ETV1: variants seen among roughly 807,000 people sequenced by gnomAD.
The protein encoded by ETV1 is ETS variant transcription factor 1, also known as ETS translocation variant 1.
ETV1 carries 27 observed loss-of-function variants against 62.3 expected under a neutral mutation model. The ratio of observed to expected loss-of-function variants is 0.43; its 90% confidence interval spans 0.32 to 0.60. The LOEUF (loss-of-function observed/expected upper bound fraction) is 0.60, where lower values mean the gene tolerates loss of function less well. Ranked by LOEUF, ETV1 falls within the 20% of genes least tolerant of loss-of-function variation. The pLI is 0.06. For missense variants in ETV1, 605 were observed against 605.8 expected, an observed-to-expected ratio of 1.00 and a Z score of 0.01; for synonymous variants, 222 against 199.6, an observed-to-expected ratio of 1.11 and a Z score of -0.94.
chr7:13,899,113 T>C (rs1782137056), intron 13 of ETV1, among the ~76,000 whole-genome samples: 1 of 152,208 alleles, frequency 6.6e-6, no homozygotes, highest in African/African-American at 2.4e-5. Context: ...CCTTATCTGT[T>C]ACTGCTGTGC....
At chr7:13,990,782 A>C (rs1782967782), upstream of ETV1, 1 of 152,252 alleles carries the variant, frequency 6.6e-6, no homozygotes, top group South Asian at 2.1e-4. Flanking sequence ...GGATAGGACC[A>C]GGGACTCAAT....
intron 6 of ETV1, among the ~76,000 whole-genome samples, chr7:13,955,246 T>TA (rs1214991706): frequency 6.6e-6 from 1 of 152,160 alleles, no homozygotes; most frequent in Non-Finnish European, 1.5e-5. Context: ...CTGCCACTCT[T>TA]ACAGAAAAGC....
chr7:13,908,434 A>G (rs1783200797), intron 11 of ETV1, among the ~76,000 whole-genome samples: 1 of 152,162 alleles, frequency 6.6e-6, no homozygotes, highest in Non-Finnish European at 1.5e-5. Flanking sequence ...TCCAAGAGTA[A>G]GAGGCTTTAT....
intron 9 of ETV1, among the ~76,000 whole-genome samples, chr7:13,918,236 A>C (rs1784411396): frequency 6.6e-6 from 1 of 152,176 alleles, no homozygotes; most frequent in Non-Finnish European, 1.5e-5. Flanking sequence ...ATTTGGGTAT[A>C]TACCCAGTAA....
At chr7:13,956,568 G>A (rs1048305436) in intron 6 of ETV1, among the ~76,000 whole-genome samples, 1 of 152,204 alleles carries the variant, frequency 6.6e-6, no homozygotes, top group Non-Finnish European at 1.5e-5. Flanking sequence ...GGGGAAATTA[G>A]ATTACTACAT....
intron 6 of ETV1, among the ~76,000 whole-genome samples, chr7:13,961,303 G>T (rs1449592646): frequency 6.6e-6 from 1 of 152,128 alleles, no homozygotes; most frequent in Admixed American, 6.5e-5. Context: ...ATTTTATAAG[G>T]TGATCTTTGG....
At chr7:13,918,995 T>C (rs186249853) in intron 9 of ETV1, among the ~76,000 whole-genome samples, 28 of 152,252 alleles carry the variant, frequency 1.8e-4, no homozygotes, top group Admixed American at 1.8e-3. Flanking sequence ...ATACTGTACT[T>C]TAAATTATTA....
Position 13,895,750 on chromosome 7 carries a change from A to T in ETV1, c.*116T>A. ...CAACAGGAAAAGCCCCTTTTTGTGTATTATTATTTAAAAATAAAATACAAA... is the reference window on the plus strand; with the variant it reads ...CAACAGGAAAAGCCCCTTTTTGTGTTTTATTATTTAAAAATAAAATACAAA... On this transcript the variant is annotated 3_prime_UTR_variant, in exon 14 of 14. Coordinates refer to ENST00000430479, the MANE Select transcript of ETV1 (RefSeq NM_004956.5). 6 of 746,480 alleles carry T rather than the reference A, an allele frequency of 8.0e-6. No homozygotes were observed. The Admixed American group carries it at 8.1e-5, about 10-fold the overall frequency. The allele number at this position is 746,480 out of a possible 1,614,324, so 46.2% of individuals were successfully genotyped here.
At chr7:13,930,199 T>C (rs1163951129) in intron 9 of ETV1, among the ~76,000 whole-genome samples, 2 of 152,142 alleles carry the variant, frequency 1.3e-5, no homozygotes, top group African/African-American at 4.8e-5. Flanking sequence ...TCAAAATACC[T>C]GAGATGTGTT....
intron 13 of ETV1, among the ~76,000 whole-genome samples, chr7:13,897,641 C>T (rs966264712): frequency 4.6e-5 from 7 of 152,154 alleles, no homozygotes; most frequent in Admixed American, 2.6e-4. Context: ...AGCACTGTGC[C>T]AGAAACAGAG....
chr7:13,922,741 C>T (rs551631744), intron 9 of ETV1, among the ~76,000 whole-genome samples: 47 of 152,300 alleles, frequency 3.1e-4, no homozygotes, highest in South Asian at 2.1e-3. Flanking sequence ...TTTATTTCTA[C>T]TCCCTGTGTT....
chr7:13,978,266 G>C (rs1781646719), intron 5 of ETV1, among the ~76,000 whole-genome samples: 1 of 152,020 alleles, frequency 6.6e-6, no homozygotes, highest in African/African-American at 2.4e-5. Context: ...TAATGCATTT[G>C]GCAGCAATCA....
chr7:13,963,968 G>A (rs2128485939), intron 6 of ETV1, among the ~76,000 whole-genome samples: 1 of 152,232 alleles, frequency 6.6e-6, no homozygotes, highest in East Asian at 1.9e-4. Context: ...GGAAAACAGG[G>A]ATTGATTTTC....
chr7:13,900,705 T>A (rs1236184770), intron 13 of ETV1, 33 bp downstream of exon 13: 1 of 1,401,078 alleles, frequency 7.1e-7, no homozygotes, highest in Admixed American at 1.9e-5. Context: ...GTGCAACATT[T>A]CAATGAATTT....
rs181514536 is a variant in ETV1 at position 13,976,468 on chromosome 7, C to T, written c.235+959G>A. Among the ~76,000 whole-genome samples, 56 of 152,260 alleles carry T rather than the reference C, an allele frequency of 3.7e-4. No individual in the cohort carries two copies. The South Asian group carries it at 0.011, about 29-fold the overall frequency. ...GGACAAAACCTTGCACAACCCTCTA[C>T]GCCTGAGAAATTTAACATATCAAAC... On this transcript the variant is annotated intron_variant, in intron 6 of 13. Coordinates refer to ENST00000430479, the MANE Select transcript of ETV1 (RefSeq NM_004956.5).
In ETV1 at chr7:13,986,452, T is replaced by C. The variant is rs1583912587; in HGVS notation, c.181+186A>G. 2.7e-6 allele frequency: 4 copies of C among 1,496,738 alleles called. No homozygotes were observed. The South Asian group carries it at 5.4e-5, about 20-fold the overall frequency. 92.7% of individuals were successfully genotyped at this position (1,496,738 alleles called of 1,614,324 possible). A position where few individuals can be genotyped will look rare whatever the true frequency, so the allele number is the denominator to read the frequency against. On this transcript the variant is annotated intron_variant, in intron 5 of 13. Transcript: ENST00000430479. ...TTCTCCTGGTAATTTGTGATGACAC[T>C]GGGTAGTACAGCCCCAGAGTCCCCA...
chr7:13,936,022 T>C, intron 7 of ETV1, 126 bp from the exon 8 acceptor site: 2 of 725,558 alleles, frequency 2.8e-6, no homozygotes. Flanking sequence ...ACTTTGTTGT[T>C]GCTATTGTTG....
chr7:13,928,954 T>C (rs1286541014), intron 9 of ETV1, among the ~76,000 whole-genome samples: 1 of 152,194 alleles, frequency 6.6e-6, no homozygotes, highest in African/African-American at 2.4e-5. Context: ...CGAGACTCCG[T>C]CTCAAAAAAA....
chr7:13,988,806 A>G (rs777857161), intron 3 of ETV1: 12 of 1,603,776 alleles, frequency 7.5e-6, no homozygotes, highest in East Asian at 2.2e-5. Flanking sequence ...TTAAAAACAA[A>G]ACTATGCCTT....
Sources: allele counts gnomAD v4.1 joint callset (sites outside exome capture counted in the v4.1 genomes callset), GRCh38; gene constraint gnomAD v4.1.1; transcripts MANE v1.5; gene names NCBI Gene and HGNC (gene_info 2026-07-23, HGNC 2026-07-21).